Variants in GABRB1 observed in about 807,000 individuals in gnomAD.
The protein encoded by GABRB1 is gamma-aminobutyric acid type A receptor subunit beta1, also known as gamma-aminobutyric acid receptor subunit beta-1.
A neutral mutation model predicts 51.6 loss-of-function variants in GABRB1; 17 were observed. The ratio of observed to expected loss-of-function variants is 0.33; its 90% CI spans 0.23 to 0.49. The LOEUF (loss-of-function observed/expected upper bound fraction) is 0.49. Ranked by LOEUF, GABRB1 falls within the 20% of genes least tolerant of loss-of-function variation. GABRB1 has a pLI of 0.99. For synonymous variants in GABRB1, 247 were observed against 218.9 expected (o/e 1.13, Z -1.14); for missense variants, 410 against 600.6 (o/e 0.68, Z 3.32).
At chr4:47,199,923 C>A (rs1266637554) in intron 4 of GABRB1, among the ~76,000 whole-genome samples, 1 of 152,098 alleles carries the variant, frequency 6.6e-6, no homozygotes, top group Non-Finnish European at 1.5e-5. Flanking sequence ...GTGAATCAAT[C>A]CACATTGTTA....
chr4:47,388,322 A>G (rs1226274350), intron 5 of GABRB1, among the ~76,000 whole-genome samples: 1 of 152,164 alleles, frequency 6.6e-6, no homozygotes, highest in African/African-American at 2.4e-5. Context: ...GGCAGTGTAA[A>G]CAGTCAGATA....
At chr4:47,335,139 G>A (rs1725648354) in intron 5 of GABRB1, among the ~76,000 whole-genome samples, 1 of 152,108 alleles carries the variant, frequency 6.6e-6, no homozygotes, top group Non-Finnish European at 1.5e-5. Flanking sequence ...AGCATGAATT[G>A]TGAGCTTCAG....
At chr4:47,122,031 T>C (rs931391860) in intron 3 of GABRB1, among the ~76,000 whole-genome samples, 3 of 152,150 alleles carry the variant, frequency 2.0e-5, no homozygotes, top group Non-Finnish European at 4.4e-5. Flanking sequence ...TTCCATGATA[T>C]CTATATCCTT....
At chr4:47,228,745 C>T (rs899500221) in intron 4 of GABRB1, among the ~76,000 whole-genome samples, 2 of 152,088 alleles carry the variant, frequency 1.3e-5, no homozygotes, top group Non-Finnish European at 2.9e-5. Context: ...GCAGGATGAT[C>T]TCGAGCTCTC....
At chr4:47,081,118 T>C (rs1304042435) in intron 3 of GABRB1, among the ~76,000 whole-genome samples, 2 of 152,150 alleles carry the variant, frequency 1.3e-5, no homozygotes, top group Non-Finnish European at 2.9e-5. Flanking sequence ...TAATACCTCC[T>C]TAAGATGACA....
rs1210322190 is a variant in GABRB1 at position 47,004,075 on chromosome 4, AC to A, written c.-20+10151del. ...TGCCATCTCGGCTCATGCAACCGCCACCTCCTGGGTTCAAGCGGTTCCCCTG... is the reference window on the plus strand; with the variant it reads ...TGCCATCTCGGCTCATGCAACCGCCACTCCTGGGTTCAAGCGGTTCCCCTG... On this transcript the variant is annotated intron_variant, in intron 1 of 3. Coordinates refer to the GABRB1 transcript ENST00000513567. Among the ~76,000 whole-genome samples, 36 of 151,974 alleles carry A rather than the reference AC, an allele frequency of 2.4e-4. 1 individual carries two copies. The highest frequency in any genetic ancestry group is 1.9e-3 in the Admixed American group (29 of 15,254).
chr4:47,288,568 T>C (rs1042541561), intron 4 of GABRB1, among the ~76,000 whole-genome samples: 2 of 152,148 alleles, frequency 1.3e-5, no homozygotes, highest in Admixed American at 1.3e-4. Context: ...AGCCAGGGCT[T>C]CTATCTTAAT....
chr4:47,327,926 A>G (rs889217597), intron 5 of GABRB1, among the ~76,000 whole-genome samples: 12 of 152,224 alleles, frequency 7.9e-5, no homozygotes, highest in African/African-American at 2.7e-4. Context: ...CAGTCCCACC[A>G]ACAGTGTCAA....
chr4:47,140,353 A>C (rs1363085827), intron 3 of GABRB1, among the ~76,000 whole-genome samples: 1 of 152,046 alleles, frequency 6.6e-6, no homozygotes, highest in African/African-American at 2.4e-5. Flanking sequence ...TGATCAAAAT[A>C]TACAATTCTC....
chr4:47,140,823 T>C (rs1391083174), intron 3 of GABRB1, among the ~76,000 whole-genome samples: 1 of 151,532 alleles, frequency 6.6e-6, no homozygotes, highest in African/African-American at 2.4e-5. Flanking sequence ...AAAAAATAGA[T>C]ATTTCCTATA....
chr4:47,216,547 T>C (rs1720561348), intron 4 of GABRB1, among the ~76,000 whole-genome samples: 1 of 151,914 alleles, frequency 6.6e-6, no homozygotes, highest in South Asian at 2.1e-4. Context: ...AAATATTTCT[T>C]ATAATAAAAA....
At chr4:47,149,238 G>T (rs1026783660) in intron 3 of GABRB1, among the ~76,000 whole-genome samples, 1 of 151,904 alleles carries the variant, frequency 6.6e-6, no homozygotes, top group African/African-American at 2.4e-5. Flanking sequence ...GTATTTAGGG[G>T]TCCAAAATTG....
intron 4 of GABRB1, among the ~76,000 whole-genome samples, chr4:47,263,780 G>A (rs969670870): frequency 6.6e-6 from 1 of 152,130 alleles, no homozygotes; most frequent in African/African-American, 2.4e-5. Flanking sequence ...AAATTCTTAT[G>A]TATCTATACA....
intron 3 of GABRB1, among the ~76,000 whole-genome samples, chr4:47,111,891 T>C (rs1287125954): frequency 3.3e-5 from 5 of 152,126 alleles, no homozygotes; most frequent in Non-Finnish European, 7.3e-5. Flanking sequence ...AATTTTCTTA[T>C]GTTTAATTTT....
intron 3 of GABRB1, among the ~76,000 whole-genome samples, chr4:47,122,233 A>G (rs969662207): frequency 7.2e-5 from 11 of 152,204 alleles, no homozygotes; most frequent in African/African-American, 2.4e-4. Flanking sequence ...TTTTCTGCAG[A>G]GAGGTTTAAA....
chr4:47,268,942 G>C (rs1173370607), intron 4 of GABRB1, among the ~76,000 whole-genome samples: 1 of 152,090 alleles, frequency 6.6e-6, no homozygotes, highest in Non-Finnish European at 1.5e-5. Context: ...TAGGAAAACT[G>C]TGTTTCATGC....
At chr4:47,192,510 A>G (rs1237785609) in intron 4 of GABRB1, among the ~76,000 whole-genome samples, 1 of 152,188 alleles carries the variant, frequency 6.6e-6, no homozygotes, top group African/African-American at 2.4e-5. Flanking sequence ...TTTTGCTGTT[A>G]TATCATTAAT....
intron 3 of GABRB1, among the ~76,000 whole-genome samples, chr4:47,123,064 A>G (rs989436617): frequency 2.6e-5 from 4 of 152,092 alleles, no homozygotes; most frequent in Non-Finnish European, 5.9e-5. Flanking sequence ...GAAAGCGAGT[A>G]GATGTACAAC....
intron 4 of GABRB1, among the ~76,000 whole-genome samples, chr4:47,220,455 G>C (rs1282139469): frequency 1.3e-5 from 2 of 151,784 alleles, no homozygotes; most frequent in Non-Finnish European, 2.9e-5. Flanking sequence ...TATAATCATA[G>C]CTTCATAACT....
Sources: gnomAD v4.1 joint callset for allele counts (sites outside exome capture counted in the v4.1 genomes callset) on GRCh38, gnomAD v4.1.1 for gene constraint, MANE v1.5 for transcripts, NCBI Gene and HGNC (gene_info 2026-07-23, HGNC 2026-07-21) for gene names.